Variants in NREP observed in about 807,000 individuals in gnomAD.
The protein encoded by NREP is neuronal regeneration-related protein.
Under a neutral mutation model 8.6 loss-of-function variants are expected in NREP, and 5 were observed. The observed-to-expected ratio is 0.58, with a 90% CI of 0.30 to 1.22. The LOEUF (loss-of-function observed/expected upper bound fraction) is 1.22. Ranked by LOEUF, NREP falls within the 50% of genes most tolerant of loss-of-function variation. The pLI is 0.07. For synonymous variants in NREP, 27 were observed against 28.0 expected, an observed-to-expected ratio of 0.96 and a Z score of 0.11; for missense variants, 86 against 82.5, an observed-to-expected ratio of 1.04 and a Z score of -0.17.
At chr5:111,835,475 G>T (rs529213881) in intron 2 of NREP, among the ~76,000 whole-genome samples, 8 of 152,078 alleles carry the variant, frequency 5.3e-5, no homozygotes, top group Non-Finnish European at 8.8e-5. Flanking sequence ...GTAGGGGCAT[G>T]AACAGCTCTT....
intron 2 of NREP, among the ~76,000 whole-genome samples, chr5:111,828,886 C>G (rs1752694173): frequency 6.6e-6 from 1 of 152,070 alleles, no homozygotes; most frequent in African/African-American, 2.4e-5. Context: ...AGGTCACAGC[C>G]TGGTGGACAG....
chr5:111,773,461 C>G (rs1424054144), intron 2 of NREP, among the ~76,000 whole-genome samples: 1 of 152,148 alleles, frequency 6.6e-6, no homozygotes, highest in East Asian at 1.9e-4. Flanking sequence ...TAGTCAAAAT[C>G]TCTTTGCTCA....
chr5:111,857,598 A>G (rs1753453081), intron 2 of NREP, among the ~76,000 whole-genome samples: 1 of 152,120 alleles, frequency 6.6e-6, no homozygotes, highest in Admixed American at 6.6e-5. Context: ...TAGGTGATCA[A>G]TAAAATATCC....
chr5:111,974,330 A>C (rs1756902945), intron 2 of NREP: 1 of 152,226 alleles, frequency 6.6e-6, no homozygotes, highest in African/African-American at 2.4e-5. Flanking sequence ...CCTCAAAGAA[A>C]TAGATGTGGA....
intron 3 of NREP, chr5:111,734,867 G>A (rs1231942153): frequency 2.2e-6 from 1 of 449,992 alleles, no homozygotes; most frequent in Non-Finnish European, 3.9e-6. Context: ...GTTATTGTTT[G>A]TTTCAGAAAT....
At chr5:111,733,202 G>A (rs374827037) in intron 3 of NREP, 11 of 151,946 alleles carry the variant, frequency 7.2e-5, no homozygotes, top group South Asian at 2.1e-4. Context: ...TACTCTATTC[G>A]ATTTCAAGCT....
intron 2 of NREP, among the ~76,000 whole-genome samples, chr5:111,971,626 G>C (rs1243024424): frequency 6.6e-6 from 1 of 152,138 alleles, no homozygotes; most frequent in East Asian, 1.9e-4. Context: ...AATGGGGAAA[G>C]AACAGCCTCT....
intron 2 of NREP, among the ~76,000 whole-genome samples, chr5:111,939,499 G>T (rs1215030561): frequency 2.6e-5 from 4 of 151,882 alleles, no homozygotes; most frequent in African/African-American, 7.2e-5. Context: ...AAATTTATTT[G>T]TAACCCTGAA....
chr5:111,795,547 T>C (rs1045051000), intron 2 of NREP, among the ~76,000 whole-genome samples: 4 of 152,266 alleles, frequency 2.6e-5, no homozygotes, highest in African/African-American at 7.2e-5. Flanking sequence ...AGAAAGATAC[T>C]TAATTTGTCT....
intron 3 of NREP, chr5:111,733,596 A>C (rs544660080): frequency 2.0e-5 from 3 of 152,202 alleles, no homozygotes; most frequent in South Asian, 4.1e-4. Flanking sequence ...AAGATGGGAC[A>C]CAAAGAAGTC....
At chr5:111,886,140 C>A (rs1010883299) in intron 2 of NREP, among the ~76,000 whole-genome samples, 3 of 152,096 alleles carry the variant, frequency 2.0e-5, no homozygotes, top group African/African-American at 7.2e-5. Context: ...AATCAAACAA[C>A]CCCATCAAAA....
At chr5:111,753,330 T>A (rs922315084) in intron 2 of NREP, among the ~76,000 whole-genome samples, 5 of 140,788 alleles carry the variant, frequency 3.6e-5, no homozygotes, top group African/African-American at 1.3e-4. Context: ...CAAGTTGATT[T>A]TATATATATA....
intron 2 of NREP, among the ~76,000 whole-genome samples, chr5:111,883,915 T>C (rs868316402): frequency 4.6e-5 from 7 of 151,996 alleles, no homozygotes; most frequent in South Asian, 2.1e-4. Flanking sequence ...TTAAAAGAAC[T>C]AGAAAAGCAA....
chr5:111,967,780 A>G (rs535049), intron 2 of NREP, among the ~76,000 whole-genome samples: 149,363 of 152,232 alleles, frequency 0.98, 73,304 homozygotes, highest in Non-Finnish European at 0.99. Context: ...CCCAACTTGT[A>G]AACTTTTTAA....
chr5:111,964,855 CAAAAAAAAAAAAAAAAAAAAAAA>C (rs58877839), intron 2 of NREP, among the ~76,000 whole-genome samples: 469 of 44,896 alleles, frequency 0.01, 13 homozygotes, highest in African/African-American at 0.028. Flanking sequence ...CTTTCAGCAG[CAAAAAAAAAAAAAAAAAAAAAAA>C]AAAAAAAAAA....
intron 2 of NREP, among the ~76,000 whole-genome samples, chr5:111,763,754 ATGTGTG>A (rs3067515): frequency 4.1e-5 from 6 of 146,382 alleles, no homozygotes; most frequent in Non-Finnish European, 8.9e-5. Context: ...GTACGTCTGT[ATGTGTG>A]TGTGTGTGTG....
At chr5:111,926,958 C>A (rs1416034826) in intron 2 of NREP, among the ~76,000 whole-genome samples, 1 of 151,696 alleles carries the variant, frequency 6.6e-6, no homozygotes, top group Non-Finnish European at 1.5e-5. Flanking sequence ...CTGTGTGAGA[C>A]CCTAGTCCTC....
At chr5:111,876,043 G>A (rs1459262679) in intron 2 of NREP, among the ~76,000 whole-genome samples, 1 of 152,142 alleles carries the variant, frequency 6.6e-6, no homozygotes, top group Non-Finnish European at 1.5e-5. Flanking sequence ...CAAATCTCTG[G>A]CAGTGCATAC....
intron 2 of NREP, 64 bp downstream of exon 2, chr5:111,755,706 T>G: frequency 1.4e-5 from 22 of 1,559,248 alleles, no homozygotes; most frequent in Non-Finnish European, 1.9e-5. Flanking sequence ...GATGGGTGGT[T>G]GATATTTATA....
Sources: gnomAD v4.1 joint callset for allele counts (sites outside exome capture counted in the v4.1 genomes callset) on GRCh38, gnomAD v4.1.1 for gene constraint, MANE v1.5 for transcripts, NCBI Gene and HGNC (gene_info 2026-07-23, HGNC 2026-07-21) for gene names.